The following ZC3H11A variants were observed in gnomAD, a reference collection of about 807,000 sequenced individuals.
ZC3H11A encodes zinc finger CCCH-type containing 11A.
ZC3H11A carries 22 observed loss-of-function variants against 90.8 expected under a neutral mutation model. That is an observed-to-expected ratio of 0.24 (90% CI 0.17 to 0.35). ZC3H11A has a LOEUF of 0.35. Among genes scored for constraint, ZC3H11A ranks in the 10% least tolerant of loss-of-function variants. The pLI, the probability that ZC3H11A is intolerant of heterozygous loss-of-function variation, is 1.00. For missense variants in ZC3H11A, 701 were observed against 964.9 expected, an observed-to-expected ratio of 0.73 and a Z score of 3.62; for synonymous variants, 294 against 339.8, an observed-to-expected ratio of 0.87 and a Z score of 1.48.
At chr1:203,797,708 G>T in intron 1 of ZC3H11A, 1 of 1,534,808 alleles carries the variant, frequency 6.5e-7, no homozygotes, top group Non-Finnish European at 8.7e-7. Flanking sequence ...CTGCTAAAAA[G>T]AAAAGAAAGA....
chr1:203,852,855 A>G lies in ZC3H11A; in HGVS notation c.*456A>G, dbSNP rs1295620850. 1 of 177,844 alleles carries G rather than the reference A, an allele frequency of 5.6e-6. No homozygotes were observed. The allele number at this position is 177,844 out of a possible 1,614,324, so 11.0% of individuals were successfully genotyped here. On this transcript the variant is annotated 3_prime_UTR_variant, in exon 18 of 18. Coordinates refer to ENST00000367210, the MANE Select transcript of ZC3H11A (RefSeq NM_001376342.1). ...GGACCAAATTTTATGCTACCACTAA[A>G]CAAAAATACCCACTCAGTCTGTGTT...
rs1216266782 is a variant in ZC3H11A, at chr1:203,852,489, C to A, written c.*90C>A. ...TAACATTTACCTGAGATGATCATTT[C>A]TTTAGTCTAGAATTTGCCCCAAATC... On this transcript the variant is annotated 3_prime_UTR_variant, in exon 18 of 18. Coordinates refer to ENST00000367210, the MANE Select transcript of ZC3H11A (RefSeq NM_001376342.1). The A allele has an allele frequency of 1.1e-5, 16 of 1,433,878 alleles. No homozygotes were observed. In the South Asian group the frequency reaches 2.1e-4, roughly 19 times the overall value. 88.8% of individuals were successfully genotyped at this position (1,433,878 alleles called of 1,614,324 possible). A position where few individuals can be genotyped will look rare whatever the true frequency, so the allele number is the denominator to read the frequency against.
At chr1:203,812,348 T>A (rs951747890) in intron 2 of ZC3H11A, among the ~76,000 whole-genome samples, 9 of 152,176 alleles carry the variant, frequency 5.9e-5, no homozygotes, top group Admixed American at 5.9e-4. Flanking sequence ...AGCATTTAGC[T>A]CCCACTTATA....
chr1:203,851,279 GTTC>G (rs1216025157), intron 17 of ZC3H11A, among the ~76,000 whole-genome samples, 155 bp downstream of exon 17: 3 of 152,156 alleles, frequency 2.0e-5, no homozygotes, highest in African/African-American at 4.8e-5. Context: ...TAGGGTTGCT[GTTC>G]TTCTTTGGTG....
At chr1:203,830,925 A>ATTTTTTTT (rs774771270) in intron 8 of ZC3H11A, among the ~76,000 whole-genome samples, 11 of 51,382 alleles carry the variant, frequency 2.1e-4, no homozygotes, top group Admixed American at 2.9e-4. Flanking sequence ...CCAACCCCCA[A>ATTTTTTTT]TTTTTTTTTT....
chr1:203,817,624 A>G (rs1173404911), intron 3 of ZC3H11A, among the ~76,000 whole-genome samples: 1 of 152,010 alleles, frequency 6.6e-6, no homozygotes, highest in Non-Finnish European at 1.5e-5. Context: ...ATCTTTGTCA[A>G]AACTTCTGTT....
intron 2 of ZC3H11A, among the ~76,000 whole-genome samples, chr1:203,814,101 G>A (rs1379019629): frequency 1.3e-5 from 2 of 152,040 alleles, no homozygotes; most frequent in Non-Finnish European, 2.9e-5. Context: ...TAAGCAGCAG[G>A]AAAAGCCCAG....
At chr1:203,799,183 A>C (rs1236985993) in intron 1 of ZC3H11A, 2 of 1,269,354 alleles carry the variant, frequency 1.6e-6, no homozygotes, top group South Asian at 2.5e-5. Flanking sequence ...CTTTCTCCAA[A>C]TTTCCTTATC....
chr1:203,807,773 G>A (rs932690875), intron 2 of ZC3H11A, among the ~76,000 whole-genome samples: 2 of 151,792 alleles, frequency 1.3e-5, no homozygotes, highest in African/African-American at 4.8e-5. Context: ...AGAGGGTCTT[G>A]CTCTGTTGCG....
Position 203,854,009 on chromosome 1 carries a change from A to G in ZC3H11A, c.*1610A>G, listed in dbSNP as rs1207802743. The stretch of plus-strand genomic sequence containing the variant: ...CTTTTTTAAAAAATAATTTTGTTTC[A>G]TATTTAAAGCACTTGTATTAGTCAA... On this transcript the variant is annotated 3_prime_UTR_variant, in exon 18 of 18. Transcript: ENST00000367210. 2.6e-5 allele frequency: 4 copies of G among 152,628 alleles called. No individual in the cohort carries two copies. The highest frequency in any genetic ancestry group is 1.3e-4 in the Admixed American group (2 of 15,280). The allele number at this position is 152,628 out of a possible 1,614,324, so 9.5% of individuals were successfully genotyped here. A position where few individuals can be genotyped will look rare whatever the true frequency, so the allele number is the denominator to read the frequency against.
rs1040806880 is a variant in ZC3H11A, at chr1:203,795,733, G to A, written c.-1649G>A. 6 of 152,358 alleles carry A rather than the reference G, an allele frequency of 3.9e-5. No homozygotes were observed. The highest frequency in any genetic ancestry group is 2.0e-4 in the Admixed American group (3 of 15,308). 9.4% of individuals were successfully genotyped at this position (152,358 alleles called of 1,614,324 possible). A position where few individuals can be genotyped will look rare whatever the true frequency, so the allele number is the denominator to read the frequency against. ...ACGGCAGCGGCCAAGCAAGAAGAAAGACGTGGCAGCAAGCGGGAGTCGGGG... is the reference window on the plus strand; with the variant it reads ...ACGGCAGCGGCCAAGCAAGAAGAAAAACGTGGCAGCAAGCGGGAGTCGGGG... On this transcript the variant is annotated 5_prime_UTR_variant, in exon 1 of 18. Transcript: ENST00000367210.
At chr1:203,848,475 T>C in intron 14 of ZC3H11A, 68 bp downstream of exon 14, 1 of 1,195,748 alleles carries the variant, frequency 8.4e-7, no homozygotes, top group South Asian at 1.4e-5. Context: ...TAGTTTTACC[T>C]TACAATAAAT....
intron 13 of ZC3H11A, 45 bp downstream of exon 13, chr1:203,847,732 TTC>T: frequency 5.1e-6 from 8 of 1,581,418 alleles, no homozygotes; most frequent in Non-Finnish European, 4.3e-6. Context: ...CCACATAATA[TTC>T]CAGAGGAGTG....
chr1:203,849,085 A>G (rs1688661690), intron 14 of ZC3H11A, among the ~76,000 whole-genome samples: 3 of 152,152 alleles, frequency 2.0e-5, no homozygotes, highest in Non-Finnish European at 4.4e-5. Flanking sequence ...GAGTTTCTCC[A>G]TGTTGTCCAG....
chr1:203,850,332 G>A, intron 15 of ZC3H11A, 183 bp from the exon 16 acceptor site: 2 of 832,242 alleles, frequency 2.4e-6, no homozygotes, highest in South Asian at 1.5e-5. Context: ...TATCTACATG[G>A]TGACCACCTG....
chr1:203,810,423 GTT>G (rs765335556), intron 2 of ZC3H11A, among the ~76,000 whole-genome samples: 3 of 138,788 alleles, frequency 2.2e-5, no homozygotes, highest in Admixed American at 7.1e-5. Flanking sequence ...TAGCTGTTAG[GTT>G]TTTTTTTTTT....
At chr1:203,850,151 T>G in intron 15 of ZC3H11A, 125 bp downstream of exon 15, 2 of 799,072 alleles carry the variant, frequency 2.5e-6, no homozygotes, top group Non-Finnish European at 4.0e-6. Flanking sequence ...CACAGGTAGA[T>G]AGTAATATTT....
intron 13 of ZC3H11A, 23 bp from the exon 14 acceptor site, chr1:203,848,308 T>A: frequency 2.5e-6 from 4 of 1,581,184 alleles, no homozygotes; most frequent in Non-Finnish European, 3.4e-6. Context: ...AAATAACTAA[T>A]GATGTCTTTA....
chr1:203,803,480 C>T (rs771874451), intron 2 of ZC3H11A, among the ~76,000 whole-genome samples: 19 of 152,178 alleles, frequency 1.2e-4, no homozygotes, highest in African/African-American at 2.7e-4. Flanking sequence ...CATGAGCCAC[C>T]GCCTCTGGCC....
Sources: allele counts gnomAD v4.1 joint callset (sites outside exome capture counted in the v4.1 genomes callset), GRCh38; gene constraint gnomAD v4.1.1; transcripts MANE v1.5; gene names NCBI Gene and HGNC (gene_info 2026-07-23, HGNC 2026-07-21).